The following FNIP1 variants were observed in gnomAD, a reference collection of about 807,000 sequenced individuals.
The protein encoded by FNIP1 is folliculin-interacting protein 1.
In FNIP1, 40 loss-of-function variants were observed where a neutral mutation model predicts 124.5. That is an observed-to-expected ratio of 0.32 (90% CI 0.25 to 0.42). The LOEUF (loss-of-function observed/expected upper bound fraction) is 0.42. Ranked by LOEUF, FNIP1 falls within the 10% of genes least tolerant of loss-of-function variation. FNIP1 has a pLI of 1.00. For synonymous variants in FNIP1, 472 were observed against 470.6 expected (o/e 1.00, Z -0.04); for missense variants, 1,176 against 1,403.7 (o/e 0.84, Z 2.59).
In FNIP1 at chr5:131,677,804, T is replaced by C. The variant is rs559954442; in HGVS notation, c.1418A>G (p.Asn473Ser). Residue 473 changes from asparagine to serine, a missense_variant, in exon 13 of 18, where the codon AAT becomes AGT. Coordinates refer to ENST00000510461, the MANE Select transcript of FNIP1 (RefSeq NM_133372.3). ...HLAWVPTVMP[N>S]GQPPIKIFLE... is the part of the protein sequence containing the mutation. ...AAATATTTTTATAGGTGGTTGTCCA[T>C]TTGGCATGACTGTTGGAACCCAGGC... 6.2e-6 allele frequency: 10 copies of C among 1,614,148 alleles called. No homozygotes were observed. In the East Asian group the frequency reaches 1.8e-4, roughly 29 times the overall value.
intron 13 of FNIP1, among the ~76,000 whole-genome samples, chr5:131,675,428 A>G (rs1412396685): frequency 3.3e-5 from 5 of 152,226 alleles, no homozygotes; most frequent in African/African-American, 1.2e-4. Flanking sequence ...GAGCCTAGAC[A>G]GTCAACAAAT....
At chr5:131,712,054 G>GTT (rs1769309848) in intron 6 of FNIP1, among the ~76,000 whole-genome samples, 4 of 151,990 alleles carry the variant, frequency 2.6e-5, no homozygotes, top group Admixed American at 6.6e-5. Context: ...AACCAGATTG[G>GTT]AACCCTTTTT....
chr5:131,677,526 T>C (rs1767945309), intron 13 of FNIP1, 177 bp downstream of exon 13: 2 of 545,972 alleles, frequency 3.7e-6, no homozygotes, highest in African/African-American at 3.8e-5. Flanking sequence ...AAGGAATGAT[T>C]TCAGGTCTAA....
In FNIP1 at chr5:131,670,598, G is replaced by A. The variant is rs1336847664; in HGVS notation, c.2973C>T (p.Pro991=). ...AGGACCTCCCGAAGTTGGCAATGTT[G>A]GGCTGAACAGCACTCACTTCGATTA... ...SKLIEVSAVQ[P]NIANFGRSLL... The change falls in exon 15 of 18, where the codon CCC becomes CCT. Residue 991 remains proline, a synonymous_variant. Coordinates refer to ENST00000510461, the MANE Select transcript of FNIP1 (RefSeq NM_133372.3). 7.4e-6 allele frequency: 12 copies of A among 1,612,918 alleles called. No homozygotes were observed. The highest frequency in any genetic ancestry group is 1.3e-5 in the African/African-American group (1 of 74,798).
At chr5:131,789,669 C>T (rs1033960439) in intron 1 of FNIP1, among the ~76,000 whole-genome samples, 3 of 152,216 alleles carry the variant, frequency 2.0e-5, no homozygotes, top group African/African-American at 4.8e-5. Context: ...TCTCATTTCA[C>T]GAGACCTGTC....
At chr5:131,709,343 A>G (rs1769216874) in intron 7 of FNIP1, 71 bp from the exon 8 acceptor site, 3 of 1,301,704 alleles carry the variant, frequency 2.3e-6, no homozygotes, top group East Asian at 4.6e-5. Context: ...CTCCTTTTAA[A>G]TAGCAAACGA....
At chr5:131,760,246 A>T (rs991923957) in intron 1 of FNIP1, among the ~76,000 whole-genome samples, 2 of 151,646 alleles carry the variant, frequency 1.3e-5, no homozygotes, top group African/African-American at 2.4e-5. Context: ...AGTTGAAATT[A>T]AAAAAAAAGA....
chr5:131,679,454 A>G (rs993067235), intron 11 of FNIP1, among the ~76,000 whole-genome samples: 1 of 152,236 alleles, frequency 6.6e-6, no homozygotes, highest in Non-Finnish European at 1.5e-5. Flanking sequence ...CCATACCTGT[A>G]AAATGAAAGG....
chr5:131,653,746 A>G (rs1483816711), intron 15 of FNIP1, among the ~76,000 whole-genome samples: 1 of 152,074 alleles, frequency 6.6e-6, no homozygotes, highest in East Asian at 1.9e-4. Context: ...TTAAATTTTT[A>G]TTTATTTTTT....
intron 11 of FNIP1, among the ~76,000 whole-genome samples, chr5:131,691,218 T>C (rs893363268): frequency 2.6e-5 from 4 of 152,106 alleles, no homozygotes; most frequent in Non-Finnish European, 4.4e-5. Context: ...CCCCAAATAC[T>C]TGGAGATTGA....
intron 1 of FNIP1, among the ~76,000 whole-genome samples, chr5:131,790,536 G>A (rs1214487825): frequency 6.9e-6 from 1 of 145,330 alleles, no homozygotes; most frequent in African/African-American, 2.5e-5. Context: ...CAAAAACCTA[G>A]GCATCTATTC....
intron 15 of FNIP1, among the ~76,000 whole-genome samples, chr5:131,665,413 A>T (rs1218050550): frequency 6.6e-6 from 1 of 151,876 alleles, no homozygotes; most frequent in East Asian, 1.9e-4. Flanking sequence ...CAGGGAGAAA[A>T]AGAAAAGACA....
chr5:131,705,045 G>A (rs1769049036), intron 9 of FNIP1, among the ~76,000 whole-genome samples: 1 of 152,002 alleles, frequency 6.6e-6, no homozygotes, highest in South Asian at 2.1e-4. Context: ...TCTGATAAGG[G>A]ATCAATATCT....
At chr5:131,648,438 G>A (rs1202487630) in intron 16 of FNIP1, among the ~76,000 whole-genome samples, 1 of 151,994 alleles carries the variant, frequency 6.6e-6, no homozygotes, top group Non-Finnish European at 1.5e-5. Flanking sequence ...GAAGTTTCAG[G>A]TGCTAAACAT....
At chr5:131,649,736 A>T (rs1454015886) in intron 16 of FNIP1, among the ~76,000 whole-genome samples, 1 of 152,210 alleles carries the variant, frequency 6.6e-6, no homozygotes, top group Non-Finnish European at 1.5e-5. Flanking sequence ...CCAATGTCAC[A>T]AAGATTATCC....
At chr5:131,723,405 A>T (rs1243509874) in intron 3 of FNIP1, among the ~76,000 whole-genome samples, 3 of 152,200 alleles carry the variant, frequency 2.0e-5, no homozygotes, top group African/African-American at 7.2e-5. Flanking sequence ...AAAATACAGT[A>T]AAAATATTAA....
chr5:131,774,365 A>G (rs531666983), intron 1 of FNIP1, among the ~76,000 whole-genome samples: 4 of 152,230 alleles, frequency 2.6e-5, no homozygotes, highest in Non-Finnish European at 5.9e-5. Flanking sequence ...AATAGTCTTT[A>G]TTTTCCAAAT....
chr5:131,734,672 A>C (rs990629986), intron 2 of FNIP1, among the ~76,000 whole-genome samples: 2 of 152,256 alleles, frequency 1.3e-5, no homozygotes, highest in African/African-American at 4.8e-5. Context: ...GACACCTCTC[A>C]AAAGAAGACA....
intron 11 of FNIP1, among the ~76,000 whole-genome samples, chr5:131,695,006 G>T (rs1485416394): frequency 2.6e-5 from 4 of 151,990 alleles, no homozygotes; most frequent in Admixed American, 6.6e-5. Context: ...TCAGGAGGCT[G>T]AGGCACATAA....
Sources: gnomAD v4.1 joint callset for allele counts (sites outside exome capture counted in the v4.1 genomes callset) on GRCh38, gnomAD v4.1.1 for gene constraint, MANE v1.5 for transcripts, NCBI Gene and HGNC (gene_info 2026-07-23, HGNC 2026-07-21) for gene names.